Variants in HIVEP3 observed in about 807,000 individuals in gnomAD.
HIVEP3 encodes transcription factor HIVEP3.
In HIVEP3, 49 loss-of-function variants were observed where a neutral mutation model predicts 152.8. The observed-to-expected ratio is 0.32, with a 90% CI of 0.26 to 0.41. The LOEUF (loss-of-function observed/expected upper bound fraction) is 0.41. HIVEP3 is among the 10% of genes least tolerant of loss of function. HIVEP3 has a pLI of 1.00. For missense variants in HIVEP3, 2,790 were observed against 3,103.3 expected, an observed-to-expected ratio of 0.90 and a Z score of 2.40; for synonymous variants, 1,269 against 1,289.0, an observed-to-expected ratio of 0.98 and a Z score of 0.33.
chr1:42,034,737 T>A (rs1645631555), intron 1 of HIVEP3, among the ~76,000 whole-genome samples: 1 of 152,138 alleles, frequency 6.6e-6, no homozygotes, highest in Non-Finnish European at 1.5e-5. Context: ...CAGACAAGTA[T>A]CCAAACTTAT....
At chr1:41,660,185 G>GT (rs1359896108) in intron 2 of HIVEP3, among the ~76,000 whole-genome samples, 1 of 152,138 alleles carries the variant, frequency 6.6e-6, no homozygotes, top group Non-Finnish European at 1.5e-5. Flanking sequence ...GTGCACACAC[G>GT]TGTGTATGTG....
chr1:41,917,167 G>C (rs186577550), intron 1 of HIVEP3, among the ~76,000 whole-genome samples: 1 of 152,148 alleles, frequency 6.6e-6, no homozygotes, highest in Non-Finnish European at 1.5e-5. Flanking sequence ...TCTTCAGTCT[G>C]GGGGAGAGCC....
chr1:41,540,415 T>C (rs149264302), intron 5 of HIVEP3, among the ~76,000 whole-genome samples: 2 of 152,326 alleles, frequency 1.3e-5, no homozygotes, highest in East Asian at 3.9e-4. Flanking sequence ...AGGCAGTTGG[T>C]TGGCATCTCT....
intron 1 of HIVEP3, among the ~76,000 whole-genome samples, chr1:41,833,814 C>T (rs1005719687): frequency 6.6e-6 from 1 of 152,202 alleles, no homozygotes; most frequent in African/African-American, 2.4e-5. Context: ...TAATAACTAA[C>T]CACAAGCTGA....
chr1:41,911,820 G>A (rs1219761308), intron 1 of HIVEP3, among the ~76,000 whole-genome samples: 6 of 152,158 alleles, frequency 3.9e-5, no homozygotes, highest in Admixed American at 3.3e-4. Flanking sequence ...CAGCCCTAGT[G>A]CCAGAGCTGG....
chr1:41,963,953 G>C (rs1645183576), intron 1 of HIVEP3, among the ~76,000 whole-genome samples: 1 of 152,214 alleles, frequency 6.6e-6, no homozygotes, highest in Non-Finnish European at 1.5e-5. Flanking sequence ...GTATTAAAAT[G>C]CAAGTGAGTG....
intron 1 of HIVEP3, among the ~76,000 whole-genome samples, chr1:41,925,344 A>T (rs1644962715): frequency 6.6e-6 from 1 of 152,240 alleles, no homozygotes; most frequent in Non-Finnish European, 1.5e-5. Context: ...GTGATACCAT[A>T]AACAGTCAAC....
chr1:41,627,362 A>G (rs959158652), intron 3 of HIVEP3, among the ~76,000 whole-genome samples: 8 of 152,210 alleles, frequency 5.3e-5, no homozygotes, highest in Admixed American at 5.2e-4. Flanking sequence ...AACCACTAAG[A>G]GTCGGGGCTG....
intron 1 of HIVEP3, among the ~76,000 whole-genome samples, chr1:41,763,705 T>A (rs367729947): frequency 3.3e-5 from 5 of 152,250 alleles, no homozygotes; most frequent in African/African-American, 1.2e-4. Context: ...TTCTCAAAAA[T>A]ACTTTTACTG....
chr1:41,846,445 G>A (rs1643446890), intron 1 of HIVEP3, among the ~76,000 whole-genome samples: 3 of 152,222 alleles, frequency 2.0e-5, no homozygotes, highest in African/African-American at 7.2e-5. Flanking sequence ...AGTTGTCTAA[G>A]ATGGTGCCAG....
chr1:41,581,716 G>A lies in HIVEP3; in HGVS notation c.3082C>T (p.Pro1028Ser). 6.2e-7 allele frequency: 1 copy of A among 1,612,370 alleles called. No individual in the cohort carries two copies. The part of the protein sequence containing the change: ...LSLTGPSAPA[P>S]VAPPARVAPP... ...GCCACCCGCGCTGGTGGAGCCACTGGGGCTGGAGCAGAAGGGCCTGTCAAG... is the reference window on the plus strand; with the variant it reads ...GCCACCCGCGCTGGTGGAGCCACTGAGGCTGGAGCAGAAGGGCCTGTCAAG... Residue 1028 changes from proline to serine, a missense_variant, in exon 4 of 9, where the codon CCA becomes TCA. Around this residue, in one of 9 missense-constraint regions of HIVEP3, gnomAD observed 1,078 missense variants for 1,165.3 expected, o/e 0.93. Coordinates refer to ENST00000372583, the MANE Select transcript of HIVEP3 (RefSeq NM_024503.5). The surrounding 1 kb of genome is among the most constrained non-coding windows in gnomAD (Gnocchi z 4.5).
At chr1:41,856,420 G>T (rs951473482) in intron 1 of HIVEP3, among the ~76,000 whole-genome samples, 1 of 152,160 alleles carries the variant, frequency 6.6e-6, no homozygotes, top group Non-Finnish European at 1.5e-5. Flanking sequence ...ACATCAGCAC[G>T]GTCTTGCTTG....
At chr1:41,643,890 C>T (rs867321464) in intron 2 of HIVEP3, among the ~76,000 whole-genome samples, 18 of 71,924 alleles carry the variant, frequency 2.5e-4, no homozygotes, top group Non-Finnish European at 2.7e-4. Context: ...TTCCCATCCT[C>T]TTTTTTTTTT....
rs1645741005 is a variant in HIVEP3, at chr1:41,662,926, G to A, written c.-720-33979C>T. ...GCTCCGGGAAGCCCGCGCCTCCCCA[G>A]GCGGGAATCCGCTTTAATGAGCTCT... On this transcript the variant is annotated intron_variant, in intron 2 of 8. Transcript: ENST00000372583. The surrounding 1 kb of genome is among the most constrained non-coding windows in gnomAD (Gnocchi z 7.2). Among the ~76,000 whole-genome samples, 1 of 152,208 alleles carries A rather than the reference G, an allele frequency of 6.6e-6. No individual in the cohort carries two copies. Among genetic ancestry groups the A allele is most frequent in the Admixed American group, 6.5e-5 (1 of 15,292 alleles).
chr1:41,825,629 A>G (rs1642780426), intron 1 of HIVEP3, among the ~76,000 whole-genome samples: 1 of 151,794 alleles, frequency 6.6e-6, no homozygotes, highest in African/African-American at 2.4e-5. Flanking sequence ...TTTTTGAAAC[A>G]GGGTCTCACT....
At chr1:41,782,162 G>A (rs760140629) in intron 1 of HIVEP3, among the ~76,000 whole-genome samples, 1 of 152,226 alleles carries the variant, frequency 6.6e-6, no homozygotes, top group Non-Finnish European at 1.5e-5. Context: ...GCTACAACAT[G>A]TGTGAATCTT....
intron 1 of HIVEP3, among the ~76,000 whole-genome samples, chr1:41,757,528 C>A (rs12722771): frequency 0.35 from 52,943 of 151,462 alleles, 9,440 homozygotes; most frequent in East Asian, 0.47. Context: ...CATGCCACTG[C>A]GCTCCAGCCT....
At chr1:41,630,521 C>T (rs1432371105) in intron 2 of HIVEP3, among the ~76,000 whole-genome samples, 2 of 152,184 alleles carry the variant, frequency 1.3e-5, no homozygotes, top group African/African-American at 4.8e-5. Flanking sequence ...CATACCCTCA[C>T]CGCCTTGAAG....
chr1:41,611,446 ACATGT>A (rs1324579465), intron 3 of HIVEP3, among the ~76,000 whole-genome samples: 1 of 152,228 alleles, frequency 6.6e-6, no homozygotes, highest in East Asian at 1.9e-4. Flanking sequence ...CGAGAACCTG[ACATGT>A]CCTCAGTCCT....
Sources: allele counts gnomAD v4.1 joint callset (sites outside exome capture counted in the v4.1 genomes callset), GRCh38; gene constraint gnomAD v4.1.1; regional missense constraint gnomAD v4.1.1; non-coding constraint Gnocchi (gnomAD v3.1); transcripts MANE v1.5; gene names NCBI Gene and HGNC (gene_info 2026-07-23, HGNC 2026-07-21).